SLC39A14: variants seen among roughly 807,000 people sequenced by gnomAD.
SLC39A14 encodes metal cation symporter ZIP14.
SLC39A14 carries 19 observed loss-of-function variants against 45.5 expected under a neutral mutation model. The ratio of observed to expected loss-of-function variants is 0.42; its 90% CI spans 0.29 to 0.61. SLC39A14 has a LOEUF of 0.61. Among genes scored for constraint, SLC39A14 ranks in the 20% least tolerant of loss-of-function variants. The pLI, the probability that SLC39A14 is intolerant of heterozygous loss-of-function variation, is 0.22. For missense variants in SLC39A14, 447 were observed against 616.5 expected, an observed-to-expected ratio of 0.73 and a Z score of 2.91; for synonymous variants, 264 against 251.3, an observed-to-expected ratio of 1.05 and a Z score of -0.48.
At chr8:22,392,251 G>A (rs181274344) in intron 1 of SLC39A14, among the ~76,000 whole-genome samples, 11 of 152,226 alleles carry the variant, frequency 7.2e-5, no homozygotes, top group African/African-American at 9.6e-5. Flanking sequence ...GGAAGGTGCC[G>A]GGCTCAGTGC....
chr8:22,407,707 C>CT lies in SLC39A14; in HGVS notation c.271-588dup, dbSNP rs34840104. 1.5e-3 allele frequency among the ~76,000 whole-genome samples: 196 copies of CT among 130,642 alleles called. 1 individual carries two copies. Among genetic ancestry groups the CT allele is most frequent in the East Asian group, 3.2e-3 (14 of 4,346 alleles). The allele number at this position is 130,642 out of a possible 152,430, so 85.7% of individuals were successfully genotyped here. On this transcript the variant is annotated intron_variant, in intron 2 of 8. Coordinates refer to ENST00000381237, the MANE Select transcript of SLC39A14 (RefSeq NM_001128431.4). The stretch of plus-strand genomic sequence containing the variant: ...ACTATACCCTAGTGACAATATTTTG[C>CT]TTTTTTTTTTTTTTTAAGAGACAGG...
At chr8:22,397,403 C>G (rs191517757) in intron 1 of SLC39A14, among the ~76,000 whole-genome samples, 79 of 152,266 alleles carry the variant, frequency 5.2e-4, no homozygotes, top group African/African-American at 1.9e-3. Flanking sequence ...ACAGTGAAAG[C>G]CGGTCTCTAC....
At chr8:22,399,811 C>G (rs1368559882) in intron 1 of SLC39A14, among the ~76,000 whole-genome samples, 1 of 152,248 alleles carries the variant, frequency 6.6e-6, no homozygotes, top group Non-Finnish European at 1.5e-5. Context: ...GAGTGCCAGC[C>G]AGGCAAAGCT....
chr8:22,415,623 G>A, intron 5 of SLC39A14, 146 bp from the exon 6 acceptor site: 1 of 698,738 alleles, frequency 1.4e-6, no homozygotes, highest in Non-Finnish European at 2.3e-6. Context: ...CTTTTGCTAT[G>A]TTTCTGGGCA....
At chr8:22,417,513 A>C (rs1370833791) in intron 7 of SLC39A14, 138 bp from the exon 8 acceptor site, 5 of 715,322 alleles carry the variant, frequency 7.0e-6, no homozygotes, top group Non-Finnish European at 9.5e-6. Context: ...CTTTGTCGCC[A>C]GGCTGGATTC....
At chr8:22,410,423 G>A (rs180841228) in intron 3 of SLC39A14, among the ~76,000 whole-genome samples, 7 of 152,240 alleles carry the variant, frequency 4.6e-5, no homozygotes, top group African/African-American at 1.2e-4. Context: ...AGCAGCTATC[G>A]ACTGCCGTCC....
At chr8:22,411,723 C>A (rs1038191377) in intron 3 of SLC39A14, among the ~76,000 whole-genome samples, 1 of 152,180 alleles carries the variant, frequency 6.6e-6, no homozygotes, top group Non-Finnish European at 1.5e-5. Context: ...CTGGCAGGAA[C>A]GATTTGGGGC....
chr8:22,414,702 G>C, intron 4 of SLC39A14, 78 bp from the exon 5 acceptor site: 1 of 1,440,204 alleles, frequency 6.9e-7, no homozygotes, highest in Non-Finnish European at 9.4e-7. Flanking sequence ...AGTCAAGGAA[G>C]TAGTTAAGAG....
At position 22,419,506 on chromosome 8, in the gene SLC39A14, G is replaced by A. The variant is rs1836098756; in HGVS notation, c.1333-46G>A. On this transcript the variant is annotated intron_variant, in intron 8 of 8. Coordinates refer to ENST00000381237, the MANE Select transcript of SLC39A14 (RefSeq NM_001128431.4). Reference sequence around the variant, plus strand: ...TCACTGAATTGCCCTGGACTTACAAGATGAAGAAGGAATTGCAGCTGTGTT... The same window carrying A: ...TCACTGAATTGCCCTGGACTTACAAAATGAAGAAGGAATTGCAGCTGTGTT... 4 of 1,565,862 alleles carry A rather than the reference G, an allele frequency of 2.6e-6. No homozygotes were observed. In the East Asian group the frequency reaches 6.7e-5, roughly 26 times the overall value.
intron 1 of SLC39A14, among the ~76,000 whole-genome samples, chr8:22,400,452 A>G (rs1458496193): frequency 1.3e-5 from 2 of 151,736 alleles, no homozygotes; most frequent in African/African-American, 4.8e-5. Flanking sequence ...TGACAGTACA[A>G]CTCCTGCCAT....
intron 1 of SLC39A14, among the ~76,000 whole-genome samples, chr8:22,386,358 C>T (rs1001255221): frequency 9.2e-5 from 14 of 151,966 alleles, no homozygotes; most frequent in African/African-American, 3.4e-4. Flanking sequence ...CCTCCGCCTC[C>T]CGGGTTCGAG....
chr8:22,429,607 A>C (rs535100442), intron 8 of SLC39A14, among the ~76,000 whole-genome samples: 1 of 152,212 alleles, frequency 6.6e-6, no homozygotes, highest in Non-Finnish European at 1.5e-5. Context: ...CTTTAATTTC[A>C]TTTATAATTG....
At chr8:22,410,280 A>G (rs1229827584) in intron 3 of SLC39A14, among the ~76,000 whole-genome samples, 1 of 152,076 alleles carries the variant, frequency 6.6e-6, no homozygotes, top group African/African-American at 2.4e-5. Flanking sequence ...TCTGGATCTC[A>G]GGGCCCACCT....
chr8:22,374,015 C>T (rs1367066728), intron 1 of SLC39A14, among the ~76,000 whole-genome samples: 1 of 152,194 alleles, frequency 6.6e-6, no homozygotes, highest in African/African-American at 2.4e-5. Flanking sequence ...GTCTTGGCCT[C>T]CCGAAGTGCT....
chr8:22,410,020 A>G lies in SLC39A14; in HGVS notation c.457+1524A>G, dbSNP rs1277798181. On this transcript the variant is annotated intron_variant, in intron 3 of 8. Transcript: ENST00000381237. ...CCTGGGAGTCCTCGTCCTGCCCTGCACAGAGAAAGCGTTTTTCAGCCGTGT... is the reference window on the plus strand; with the variant it reads ...CCTGGGAGTCCTCGTCCTGCCCTGCGCAGAGAAAGCGTTTTTCAGCCGTGT... 1.9e-6 allele frequency: 3 copies of G among 1,613,982 alleles called. No homozygotes were observed. The African/African-American group carries it at 4.0e-5, about 22-fold the overall frequency.
chr8:22,419,515 G>A, intron 8 of SLC39A14, 37 bp from the exon 9 acceptor site: 6 of 1,580,654 alleles, frequency 3.8e-6, no homozygotes, highest in Non-Finnish European at 5.2e-6. Context: ...AGATGAAGAA[G>A]GAATTGCAGC....
At position 22,422,331 on chromosome 8, in the gene SLC39A14, T is replaced by A. The variant is rs1023972481; in HGVS notation, c.*2633T>A. On this transcript the variant is annotated 3_prime_UTR_variant, in exon 9 of 9. Transcript: ENST00000381237. ...TTGCCCCTGTCTTTGCCCCCAAAGG[T>A]ATTTTGTGTCTAGTGTCAAATTGGA... The A allele has an allele frequency of 7.1e-6, 7 of 985,686 alleles. No individual in the cohort carries two copies. In the Admixed American group the frequency reaches 3.7e-4, roughly 52 times the overall value. 61.1% of individuals were successfully genotyped at this position (985,686 alleles called of 1,614,324 possible).
intron 1 of SLC39A14, among the ~76,000 whole-genome samples, chr8:22,387,172 T>TA (rs71544897): frequency 0.063 from 9,043 of 142,842 alleles, 886 homozygotes; most frequent in African/African-American, 0.22. Flanking sequence ...GACCCTGTCT[T>TA]AAAAAAAAAA....
At position 22,404,858 on chromosome 8, in the gene SLC39A14, C is replaced by T. The variant is rs536308326; in HGVS notation, c.148C>T (p.Arg50Trp). ...CTCCTTCCTGCAGGATCTAATACAT[C>T]GGTATGGCGAGGGTGACAGCCTCAC... ...AASFLQDLIH[R>W]YGEGDSLTLQ... The change falls in exon 2 of 9, where the codon CGG (arginine) becomes TGG (tryptophan). Residue 50 changes from arginine (R) to tryptophan (W), a missense_variant. This residue lies in a region of SLC39A14 where 342 missense variants were observed against 428.1 expected (regional missense o/e 0.80). Transcript: ENST00000381237. The T allele has an allele frequency of 1.9e-6, 3 of 1,614,182 alleles. No homozygotes were observed. Among genetic ancestry groups the T allele is most frequent in the South Asian group, 1.1e-5 (1 of 91,084 alleles).
Sources: allele counts gnomAD v4.1 joint callset (sites outside exome capture counted in the v4.1 genomes callset), GRCh38; gene constraint gnomAD v4.1.1; regional missense constraint gnomAD v4.1.1; transcripts MANE v1.5; gene names NCBI Gene and HGNC (gene_info 2026-07-23, HGNC 2026-07-21).